Variants in MIA3 observed in about 807,000 individuals in gnomAD.
MIA3 encodes the protein transport and Golgi organization protein 1 homolog.
In MIA3, 90 loss-of-function variants were observed where a neutral mutation model predicts 192.4. The observed-to-expected ratio is 0.47, with a 90% CI of 0.39 to 0.56. The LOEUF is 0.56. Ranked by LOEUF, MIA3 falls within the 20% of genes least tolerant of loss-of-function variation. The pLI, the probability that MIA3 is intolerant of heterozygous loss-of-function variation, is 0.00. For synonymous variants in MIA3, 740 were observed against 792.8 expected (o/e 0.93, Z 1.12); for missense variants, 2,123 against 2,269.4 (o/e 0.94, Z 1.31).
In MIA3 at chr1:222,666,175, GTTATGAGGC is replaced by G. The variant is rs1664275212; in HGVS notation, c.*559_*567del. On this transcript the variant is annotated 3_prime_UTR_variant, in exon 28 of 28. Coordinates refer to ENST00000344922, the MANE Select transcript of MIA3 (RefSeq NM_198551.4). ...CAAGTGTCTGTTGACTCATTGGACT[GTTATGAGGC>G]TTGTGCCATTTGGGGAACATGTAAA... is the stretch of plus-strand genomic sequence containing the variant. The G allele has an allele frequency of 6.6e-6, 1 of 152,224 alleles. No individual in the cohort carries two copies. Among genetic ancestry groups the G allele is most frequent in the South Asian group, 2.1e-4 (1 of 4,830 alleles). The allele number at this position is 152,224 out of a possible 1,614,324, so 9.4% of individuals were successfully genotyped here.
chr1:222,635,745 G>A (rs1280675125), intron 6 of MIA3, among the ~76,000 whole-genome samples: 1 of 152,158 alleles, frequency 6.6e-6, no homozygotes, highest in Non-Finnish European at 1.5e-5. Context: ...AATAGTTAGT[G>A]GAATCTTAGG....
chr1:222,644,482 T>C, intron 6 of MIA3: 4 of 1,550,576 alleles, frequency 2.6e-6, no homozygotes, highest in Non-Finnish European at 2.6e-6. Flanking sequence ...CACAATGGAC[T>C]CAGTACCTGC....
In MIA3 at chr1:222,631,732, T is replaced by A. The variant is rs532758213; in HGVS notation, c.3170-433T>A. On this transcript the variant is annotated intron_variant, in intron 4 of 27. Coordinates refer to ENST00000344922, the MANE Select transcript of MIA3 (RefSeq NM_198551.4). ...GTACTTTGAAAGTATTCGAAAGACA[T>A]CTCAGCAAGCTGCCTTGGCGTGGAA... Among the ~76,000 whole-genome samples the A allele has an allele frequency of 6.6e-5, 10 of 152,296 alleles. No individual in the cohort carries two copies. The South Asian group carries it at 1.9e-3, about 28-fold the overall frequency.
chr1:222,641,360 C>T (rs1662844321), intron 6 of MIA3: 2 of 334,898 alleles, frequency 6.0e-6, no homozygotes, highest in Admixed American at 4.0e-5. Flanking sequence ...TTCCCTGGCA[C>T]CAGGAAGCCA....
At chr1:222,624,667 G>C in intron 2 of MIA3, 101 bp from the exon 3 acceptor site, 1 of 644,678 alleles carries the variant, frequency 1.6e-6, no homozygotes, top group South Asian at 1.6e-5. Context: ...AAAGTTGATT[G>C]CTTGATATGT....
intron 6 of MIA3, among the ~76,000 whole-genome samples, chr1:222,637,099 G>A (rs1490479886): frequency 2.0e-5 from 3 of 152,076 alleles, no homozygotes; most frequent in South Asian, 2.1e-4. Context: ...TCAGTGGGAG[G>A]GTGAGTCTCA....
intron 7 of MIA3, chr1:222,647,811 A>T (rs1026608457): frequency 1.9e-5 from 6 of 315,966 alleles, no homozygotes; most frequent in Non-Finnish European, 4.0e-5. Context: ...AGGCCATGAC[A>T]TTAGAGAGAT....
chr1:222,659,767 G>A lies in MIA3; in HGVS notation c.4840G>A (p.Glu1614Lys). The change falls in exon 22 of 28, where the codon GAA becomes AAA. Residue 1614 changes from glutamate to lysine, a missense_variant. Glu to Lys is a moderately conservative substitution (Grantham distance 56). Transcript: ENST00000344922. Reference sequence around the variant, plus strand: ...TCGTGCTGCAGAAAGAGCTATAGCTGAAGAGAAAAGGGAAGCTGCCAATTT... The same window carrying A: ...TCGTGCTGCAGAAAGAGCTATAGCTAAAGAGAAAAGGGAAGCTGCCAATTT... ...KARAAERAIA[E>K]EKREAANLRH... 2 of 1,614,124 alleles carry A rather than the reference G, an allele frequency of 1.2e-6. No individual in the cohort carries two copies. The highest frequency in any genetic ancestry group is 1.7e-6 in the Non-Finnish European group (2 of 1,179,988).
intron 27 of MIA3, 68 bp downstream of exon 27, chr1:222,664,216 A>G (rs1451328585): frequency 7.2e-6 from 11 of 1,532,872 alleles, no homozygotes; most frequent in East Asian, 2.3e-5. Context: ...ATCCCTTGCT[A>G]AAACAACTGC....
intron 6 of MIA3, among the ~76,000 whole-genome samples, chr1:222,635,656 T>C (rs1662591531): frequency 6.6e-6 from 1 of 152,220 alleles, no homozygotes; most frequent in Non-Finnish European, 1.5e-5. Context: ...AATTGTTTCA[T>C]AGGGTTTTGG....
chr1:222,659,563 T>C, intron 20 of MIA3, 50 bp downstream of exon 20: 3 of 1,610,656 alleles, frequency 1.9e-6, no homozygotes, highest in Non-Finnish European at 2.5e-6. Flanking sequence ...CTTTGATAAC[T>C]AATAGAGGCT....
At position 222,664,068 on chromosome 1, in the gene MIA3, C is replaced by T. The variant is rs918076427; in HGVS notation, c.5333C>T (p.Pro1778Leu). Residue 1778 changes from proline (P) to leucine (L), a missense_variant, in exon 27 of 28, where the codon CCT (proline) becomes CTT (leucine). Pro to Leu is a moderately conservative substitution (Grantham distance 98). This residue lies in a region of MIA3 where 762 missense variants were observed against 856.4 expected (regional missense o/e 0.89). Transcript: ENST00000344922. ...VPLMSTPMGGPVPPPIRYGPP... is the reference protein window; with the variant it reads ...VPLMSTPMGGLVPPPIRYGPP... ...CTCATGAGCACCCCCATGGGAGGCC[C>T]TGTACCACCACCCATTCGATATGGA... 1 of 1,614,128 alleles carries T rather than the reference C, an allele frequency of 6.2e-7. No homozygotes were observed. The highest frequency in any genetic ancestry group is 8.5e-7 in the Non-Finnish European group (1 of 1,179,958).
chr1:222,628,724 A>G lies in MIA3; in HGVS notation c.1504A>G (p.Asn502Asp), dbSNP rs1206119968. 1 of 1,614,156 alleles carries G rather than the reference A, an allele frequency of 6.2e-7. No homozygotes were observed. The highest frequency in any genetic ancestry group is 2.2e-5 in the East Asian group (1 of 44,884). ...GMTVHSSVHS[N>D]NLNSMPAAEK... Reference sequence around the variant, plus strand: ...GACTGTGCACAGTTCTGTTCACAGCAATAACCTCAACTCTATGCCAGCTGC... The same window carrying G: ...GACTGTGCACAGTTCTGTTCACAGCGATAACCTCAACTCTATGCCAGCTGC... Residue 502 changes from asparagine (N) to aspartate (D), a missense_variant, in exon 4 of 28, where the codon AAT becomes GAT. This residue lies in a region of MIA3 where 1,357 missense variants were observed against 1,396.1 expected (regional missense o/e 0.97). Transcript: ENST00000344922.
At chr1:222,625,954 G>T (rs1662097031) in intron 3 of MIA3, among the ~76,000 whole-genome samples, 1 of 152,106 alleles carries the variant, frequency 6.6e-6, no homozygotes, top group Non-Finnish European at 1.5e-5. Context: ...GGCCAGGCTG[G>T]TCTCAAACTC....
In MIA3 at chr1:222,656,199, C is replaced by T. The variant is rs575890550; in HGVS notation, c.4607+1406C>T. On this transcript the variant is annotated intron_variant, in intron 18 of 27. Transcript: ENST00000344922. ...GTGTTAGCCAGGATGGTCTCAATCT[C>T]CTGACCTCGTGATCCACCCGCCTCG... Among the ~76,000 whole-genome samples, 664 of 151,932 alleles carry T rather than the reference C, an allele frequency of 4.4e-3. 4 individuals are homozygous for T. Among genetic ancestry groups the T allele is most frequent in the Admixed American group, 8.6e-3 (131 of 15,264 alleles).
At position 222,628,801 on chromosome 1, in the gene MIA3, C is replaced by T; in HGVS notation, c.1581C>T (p.Asp527=). The change falls in exon 4 of 28, where the codon GAC becomes GAT. Residue 527 remains aspartate, a synonymous_variant. Transcript: ENST00000344922. ...CAGCTTATGATGATACAGAAAATGA[C>T]CTAAAAGGAGCAGCTATTCATATCT... is the stretch of plus-strand genomic sequence containing the variant. ...LKSAYDDTEN[D]LKGAAIHISK... 1 of 1,614,052 alleles carries T rather than the reference C, an allele frequency of 6.2e-7. No homozygotes were observed. The highest frequency in any genetic ancestry group is 1.1e-5 in the South Asian group (1 of 91,070).
chr1:222,650,396 G>GT lies in MIA3; in HGVS notation c.3720+30dup, dbSNP rs200789891. 7.5e-3 allele frequency: 8,992 copies of GT among 1,193,382 alleles called. No individual in the cohort carries two copies. Among genetic ancestry groups the GT allele is most frequent in the African/African-American group, 0.017 (967 of 58,120 alleles). 73.9% of individuals were successfully genotyped at this position (1,193,382 alleles called of 1,614,324 possible). A position where few individuals can be genotyped will look rare whatever the true frequency, so the allele number is the denominator to read the frequency against. ...TGAACAGAAGGTATGATTATTCTTT[G>GT]TTTTTTTTTTTTTTCATGGTCCCAG... On this transcript the variant is annotated intron_variant, in intron 9 of 27. Transcript: ENST00000344922.
chr1:222,648,906 T>C, intron 8 of MIA3, 56 bp downstream of exon 8: 2 of 1,107,616 alleles, frequency 1.8e-6, no homozygotes, highest in East Asian at 2.4e-5. Context: ...TGGTGTTTGA[T>C]ATGGATTTTA....
chr1:222,655,963 CT>C (rs71175179), intron 18 of MIA3, among the ~76,000 whole-genome samples: 1 of 89,952 alleles, frequency 1.1e-5, no homozygotes, highest in East Asian at 3.9e-4. Flanking sequence ...CTTTCTTTCC[CT>C]TTTTTTTTTT....
Sources: allele counts gnomAD v4.1 joint callset (sites outside exome capture counted in the v4.1 genomes callset), GRCh38; gene constraint gnomAD v4.1.1; regional missense constraint gnomAD v4.1.1; transcripts MANE v1.5; gene names NCBI Gene and HGNC (gene_info 2026-07-23, HGNC 2026-07-21).